PLEKHA6: variants seen among roughly 807,000 people sequenced by gnomAD.
The protein encoded by PLEKHA6 is pleckstrin homology domain-containing family A member 6.
PLEKHA6 carries 60 observed loss-of-function variants against 116.7 expected under a neutral mutation model. The ratio of observed to expected loss-of-function variants is 0.51; its 90% CI spans 0.42 to 0.64. The LOEUF (loss-of-function observed/expected upper bound fraction) is 0.64, where lower values mean the gene tolerates loss of function less well. PLEKHA6 is among the 30% of genes least tolerant of loss of function. The pLI is 0.00. For missense variants in PLEKHA6, 1,338 were observed against 1,422.7 expected (o/e 0.94, Z 0.96); for synonymous variants, 489 against 556.1 (o/e 0.88, Z 1.70).
chr1:204,230,650 G>A (rs970307172), intron 17 of PLEKHA6, 64 bp from the exon 18 acceptor site: 21 of 1,390,148 alleles, frequency 1.5e-5, no homozygotes, highest in East Asian at 2.5e-5. Flanking sequence ...TTTCCATCCT[G>A]AACCCTTAAC....
rs1399855871 is a variant in PLEKHA6 at position 204,219,956 on chromosome 1, G to A, written c.*2832C>T. ...CCATGCCTTTGGTACAGCCCCCAGA[G>A]AGAAAGGTTGCAGAGGGGGGATGTC... On this transcript the variant is annotated 3_prime_UTR_variant, in exon 23 of 23. Coordinates refer to ENST00000272203, the MANE Select transcript of PLEKHA6 (RefSeq NM_014935.5). 12 of 152,244 alleles carry A rather than the reference G, an allele frequency of 7.9e-5. No individual in the cohort carries two copies. The allele number at this position is 152,244 out of a possible 1,614,324, so 9.4% of individuals were successfully genotyped here. A position where few individuals can be genotyped will look rare whatever the true frequency, so the allele number is the denominator to read the frequency against.
At chr1:204,222,966 G>A (rs940344322) in intron 22 of PLEKHA6, among the ~76,000 whole-genome samples, 187 bp from the exon 23 acceptor site, 2 of 152,210 alleles carry the variant, frequency 1.3e-5, no homozygotes, top group African/African-American at 2.4e-5. Context: ...GAGAGTGAGC[G>A]GCTGTGGGCT....
intron 9 of PLEKHA6, among the ~76,000 whole-genome samples, chr1:204,255,034 A>T (rs1665089060): frequency 6.6e-6 from 1 of 152,070 alleles, no homozygotes; most frequent in African/African-American, 2.4e-5. Context: ...CACCTGTAAA[A>T]CTGGGTTGAT....
intron 5 of PLEKHA6, among the ~76,000 whole-genome samples, chr1:204,266,255 C>T (rs573222951): frequency 2.0e-4 from 31 of 152,296 alleles, no homozygotes; most frequent in Admixed American, 1.8e-3. Flanking sequence ...AGAGCTGAGG[C>T]TCTTGTCCTC....
chr1:204,282,937 GC>G (rs1668781975), intron 1 of PLEKHA6: 1 of 268,794 alleles, frequency 3.7e-6, no homozygotes. Context: ...CCTCCAAGTT[GC>G]CTTCTCCTGA....
intron 1 of PLEKHA6, among the ~76,000 whole-genome samples, chr1:204,275,442 A>C (rs1385679017): frequency 6.6e-6 from 1 of 152,150 alleles, no homozygotes; most frequent in Non-Finnish European, 1.5e-5. Flanking sequence ...CTGGCTCAAC[A>C]GTCCAGTCTC....
Position 204,277,975 on chromosome 1 carries a change from G to A in PLEKHA6, c.-94-3166C>T, listed in dbSNP as rs1668194926. The stretch of plus-strand genomic sequence containing the variant: ...GCTTGCAAGGAAGAGGGCAGCAAAT[G>A]GGGCTTGAGAGGGGGTCACTGTGTG... On this transcript the variant is annotated intron_variant, in intron 1 of 22. Coordinates refer to ENST00000272203, the MANE Select transcript of PLEKHA6 (RefSeq NM_014935.5). This position sits in a 1 kb window ranked among gnomAD's most constrained non-coding sequence, Gnocchi z 4.1. 6.6e-6 allele frequency: 1 copy of A among 152,266 alleles called. No individual in the cohort carries two copies. The highest frequency in any genetic ancestry group is 2.1e-4 in the South Asian group (1 of 4,832). The allele number at this position is 152,266 out of a possible 1,614,324, so 9.4% of individuals were successfully genotyped here.
At chr1:204,262,978 G>T (rs181069262) in intron 6 of PLEKHA6, among the ~76,000 whole-genome samples, 2 of 152,302 alleles carry the variant, frequency 1.3e-5, no homozygotes, top group African/African-American at 4.8e-5. Context: ...GTGTGTCCTG[G>T]GGTGGGTGGG....
At chr1:204,234,996 A>G (rs1448348259) in intron 17 of PLEKHA6, among the ~76,000 whole-genome samples, 1 of 23,198 alleles carries the variant, frequency 4.3e-5, no homozygotes, top group African/African-American at 2.7e-4. Flanking sequence ...ATATATATAT[A>G]TATATATATA....
chr1:204,361,070 C>T (rs956324435), upstream of PLEKHA6, among the ~76,000 whole-genome samples: 2 of 152,142 alleles, frequency 1.3e-5, no homozygotes, highest in East Asian at 3.9e-4. Flanking sequence ...GTCCCATCTG[C>T]CCCTTAAACC....
At chr1:204,276,269 C>T (rs994560421) in intron 1 of PLEKHA6, among the ~76,000 whole-genome samples, 1 of 152,194 alleles carries the variant, frequency 6.6e-6, no homozygotes, top group African/African-American at 2.4e-5. Context: ...GACCCAAAAA[C>T]CAGGCGCGTG....
intron 3 of PLEKHA6, among the ~76,000 whole-genome samples, chr1:204,269,476 A>G (rs1571993582): frequency 6.7e-6 from 1 of 149,428 alleles, no homozygotes; most frequent in Non-Finnish European, 1.5e-5. Flanking sequence ...TGCCATACAG[A>G]TGAGGTTGCC....
intron 1 of PLEKHA6, among the ~76,000 whole-genome samples, chr1:204,291,432 C>T (rs1208622059): frequency 6.6e-6 from 1 of 151,944 alleles, no homozygotes; most frequent in East Asian, 1.9e-4. Context: ...AGGCATTTAC[C>T]CAAAAAAAAG....
In PLEKHA6 at chr1:204,370,047, G is replaced by A. The variant is rs142423783; in HGVS notation, c.160+1483C>T. ...AAGTCCAGGAAGAATTAAACCCCTA[G>A]TGCAAGAGCACACTGGAAGCAATAG... On this transcript the variant is annotated intron_variant, in intron 2 of 4. Coordinates refer to the PLEKHA6 transcript ENST00000564627. 2.7e-3 allele frequency among the ~76,000 whole-genome samples: 408 copies of A among 152,302 alleles called. 3 individuals carry two copies. The highest frequency in any genetic ancestry group is 9.4e-3 in the African/African-American group (390 of 41,550).
intron 1 of PLEKHA6, among the ~76,000 whole-genome samples, chr1:204,318,745 T>C (rs1558178687): frequency 6.6e-6 from 1 of 152,212 alleles, no homozygotes; most frequent in Non-Finnish European, 1.5e-5. Context: ...TAAGTACTCG[T>C]TTAATTTGAA....
At position 204,228,390 on chromosome 1, in the gene PLEKHA6, A is replaced by C. The variant is rs1480183005; in HGVS notation, c.2886-162T>G. ...CCCTAGGAGTGAGTGGGACCCTGGC[A>C]AAACACAGGTTGGGACCCCTACCTT... On this transcript the variant is annotated intron_variant, in intron 20 of 22. Transcript: ENST00000272203. This position sits in a 1 kb window ranked among gnomAD's most constrained non-coding sequence, Gnocchi z 4.0. Among the ~76,000 whole-genome samples, 2 of 152,194 alleles carry C rather than the reference A, an allele frequency of 1.3e-5. No homozygotes were observed. Among genetic ancestry groups the C allele is most frequent in the Non-Finnish European group, 2.9e-5 (2 of 68,030 alleles).
chr1:204,304,301 G>A (rs530171049), intron 1 of PLEKHA6, among the ~76,000 whole-genome samples: 127 of 152,270 alleles, frequency 8.3e-4, no homozygotes, highest in African/African-American at 3.6e-4. Context: ...TTCCTTCACC[G>A]GGGGCCTGAC....
chr1:204,360,385 C>A (rs568399990), upstream of PLEKHA6, among the ~76,000 whole-genome samples: 2 of 95,234 alleles, frequency 2.1e-5, no homozygotes, highest in South Asian at 2.8e-4. Flanking sequence ...CATCCCCCGC[C>A]CCCCCCCCAA....
intron 1 of PLEKHA6, among the ~76,000 whole-genome samples, chr1:204,308,683 T>TTTC (rs200113215): frequency 0.21 from 25,291 of 121,352 alleles, 2,784 homozygotes; most frequent in Non-Finnish European, 0.27. Context: ...TTCTTTTTCT[T>TTTC]TTTCTTTTTT....
Sources: allele counts gnomAD v4.1 joint callset (sites outside exome capture counted in the v4.1 genomes callset), GRCh38; gene constraint gnomAD v4.1.1; non-coding constraint Gnocchi (gnomAD v3.1); transcripts MANE v1.5; gene names NCBI Gene and HGNC (gene_info 2026-07-23, HGNC 2026-07-21).